MGMT: variants seen among roughly 807,000 people sequenced by gnomAD.
MGMT encodes O-6-methylguanine-DNA methyltransferase.
MGMT carries 14 observed loss-of-function variants against 15.9 expected under a neutral mutation model. The observed-to-expected ratio is 0.88, with a 90% CI of 0.58 to 1.37. The LOEUF (loss-of-function observed/expected upper bound fraction) is 1.37, where lower values mean the gene tolerates loss of function less well. Among genes scored for constraint, MGMT ranks in the 40% most tolerant of loss-of-function variants. The probability of loss-of-function intolerance (pLI) is 0.00; values close to 1 mark genes in which losing one functional copy is unlikely to be tolerated. For missense variants in MGMT, 282 were observed against 268.1 expected (o/e 1.05, Z -0.36); for synonymous variants, 130 against 118.2 (o/e 1.10, Z -0.65).
Position 129,525,448 on chromosome 10 carries a change from C to T in MGMT, c.-12-10793C>T, listed in dbSNP as rs562470323. Among the ~76,000 whole-genome samples the T allele has an allele frequency of 8.1e-4, 124 of 152,192 alleles. 1 individual carries two copies. The highest frequency in any genetic ancestry group is 1.3e-3 in the Non-Finnish European group (87 of 68,018). On this transcript the variant is annotated intron_variant, in intron 1 of 4. Coordinates refer to ENST00000651593, the MANE Select transcript of MGMT (RefSeq NM_002412.5). ...CACGTTGGTTTTATAATGTGCCACG[C>T]GTCAGGTGTTATTTCGATGACTATG...
intron 2 of MGMT, among the ~76,000 whole-genome samples, chr10:129,614,398 C>G (rs1564737534): frequency 6.6e-6 from 1 of 152,162 alleles, no homozygotes; most frequent in Non-Finnish European, 1.5e-5. Flanking sequence ...GCTTTCCGAG[C>G]CTGCGCTGGT....
chr10:129,619,884 A>G (rs1270931778), intron 2 of MGMT, among the ~76,000 whole-genome samples: 3 of 151,968 alleles, frequency 2.0e-5, no homozygotes, highest in Non-Finnish European at 4.4e-5. Flanking sequence ...TTACAGGTTT[A>G]TTCATTTTCT....
intron 2 of MGMT, among the ~76,000 whole-genome samples, chr10:129,650,260 C>T (rs1015054350): frequency 6.5e-4 from 99 of 152,182 alleles, no homozygotes; most frequent in Middle Eastern, 6.8e-3. Context: ...GTGCTTTGCA[C>T]GTTCGTAATT....
intron 2 of MGMT, among the ~76,000 whole-genome samples, chr10:129,654,058 C>T (rs760905093): frequency 2.0e-5 from 3 of 152,176 alleles, no homozygotes; most frequent in Non-Finnish European, 4.4e-5. Flanking sequence ...GCGAGGGCCA[C>T]ACCCTACTAC....
chr10:129,525,958 A>C (rs1002412905), intron 1 of MGMT, among the ~76,000 whole-genome samples: 7 of 152,194 alleles, frequency 4.6e-5, no homozygotes, highest in African/African-American at 1.4e-4. Context: ...TTGACATCCT[A>C]GGTGGCAGCT....
intron 2 of MGMT, among the ~76,000 whole-genome samples, chr10:129,574,421 A>G (rs913591017): frequency 1.3e-5 from 2 of 152,350 alleles, no homozygotes; most frequent in South Asian, 2.1e-4. Context: ...GCTTTCTGAG[A>G]AACTTCATAA....
At chr10:129,760,156 C>T (rs975598052) in intron 4 of MGMT, among the ~76,000 whole-genome samples, 1 of 152,248 alleles carries the variant, frequency 6.6e-6, no homozygotes, top group African/African-American at 2.4e-5. Context: ...TCACAGCACC[C>T]AGGCCTGGCA....
In MGMT at chr10:129,556,234, T is replaced by G. The variant is rs1486271136; in HGVS notation, c.125+19857T>G. ...TAGCACGTGGCCCCCAAAATTTAGG[T>G]GTTGAAGTCCTCATCCTCAGAACCT... On this transcript the variant is annotated intron_variant, in intron 2 of 4. Coordinates refer to ENST00000651593, the MANE Select transcript of MGMT (RefSeq NM_002412.5). This position sits in a 1 kb window ranked among gnomAD's most constrained non-coding sequence, Gnocchi z 4.3. Among the ~76,000 whole-genome samples, 1 of 151,976 alleles carries G rather than the reference T, an allele frequency of 6.6e-6. No homozygotes were observed. Among genetic ancestry groups the G allele is most frequent in the African/African-American group, 2.4e-5 (1 of 41,362 alleles).
At chr10:129,494,037 T>C (rs1053600223) in intron 1 of MGMT, among the ~76,000 whole-genome samples, 2 of 152,234 alleles carry the variant, frequency 1.3e-5, no homozygotes, top group Admixed American at 1.3e-4. Flanking sequence ...TATAACCTTC[T>C]TCCATTGTTA....
chr10:129,591,314 G>A (rs1050293399), intron 2 of MGMT, among the ~76,000 whole-genome samples: 8 of 152,222 alleles, frequency 5.3e-5, no homozygotes, highest in African/African-American at 1.7e-4. Context: ...ACAGCAGAGC[G>A]AGGAGTGAAA....
At chr10:129,729,833 A>G (rs1218817588) in intron 3 of MGMT, among the ~76,000 whole-genome samples, 2 of 152,350 alleles carry the variant, frequency 1.3e-5, no homozygotes, top group East Asian at 3.9e-4. Flanking sequence ...AAAATTATTG[A>G]ACAGAGCTCA....
chr10:129,632,031 C>T (rs1290831401), intron 2 of MGMT, among the ~76,000 whole-genome samples: 1 of 152,120 alleles, frequency 6.6e-6, no homozygotes. Flanking sequence ...GCCACCGCGC[C>T]CAGCTTTCTA....
At chr10:129,624,784 G>A (rs1029003640) in intron 2 of MGMT, among the ~76,000 whole-genome samples, 2 of 152,208 alleles carry the variant, frequency 1.3e-5, no homozygotes, top group Non-Finnish European at 2.9e-5. Flanking sequence ...GGAACATGGT[G>A]TGCAACCATA....
At chr10:129,703,894 C>A (rs184975548) in intron 2 of MGMT, among the ~76,000 whole-genome samples, 1 of 152,150 alleles carries the variant, frequency 6.6e-6, no homozygotes, top group East Asian at 2.0e-4. Flanking sequence ...TTTGTTTCCT[C>A]AGTTGAAGGT....
chr10:129,603,505 T>C (rs1281101209), intron 2 of MGMT, among the ~76,000 whole-genome samples: 1 of 152,260 alleles, frequency 6.6e-6, no homozygotes, highest in Non-Finnish European at 1.5e-5. Context: ...CATTGCTGTC[T>C]TTTTTATTTG....
chr10:129,658,301 C>A lies in MGMT; in HGVS notation c.126-49594C>A, dbSNP rs114734579. On this transcript the variant is annotated intron_variant, in intron 2 of 4. Transcript: ENST00000651593. Reference sequence around the variant, plus strand: ...TCTATTATTGACTAATGACGAACAGCGTCGCCTTGCCTTGCCACCTTAAAA... The same window carrying A: ...TCTATTATTGACTAATGACGAACAGAGTCGCCTTGCCTTGCCACCTTAAAA... Among the ~76,000 whole-genome samples, 1,052 of 152,238 alleles carry A rather than the reference C, an allele frequency of 6.9e-3. 9 individuals are homozygous for A. The highest frequency in any genetic ancestry group is 0.024 in the African/African-American group (993 of 41,528).
At position 129,687,799 on chromosome 10, in the gene MGMT, T is replaced by C. The variant is rs549761596; in HGVS notation, c.126-20096T>C. Among the ~76,000 whole-genome samples the C allele has an allele frequency of 2.1e-4, 32 of 152,072 alleles. 1 individual carries two copies. In the East Asian group the frequency reaches 5.9e-3, roughly 28 times the overall value. On this transcript the variant is annotated intron_variant, in intron 2 of 4. Coordinates refer to ENST00000651593, the MANE Select transcript of MGMT (RefSeq NM_002412.5). ...TGCCATGTTGGTGTGCTGCACCCATTAACTCATCACTTACATTAGGTATAT... is the reference window on the plus strand; with the variant it reads ...TGCCATGTTGGTGTGCTGCACCCATCAACTCATCACTTACATTAGGTATAT...
Position 129,506,107 on chromosome 10 carries a change from G to C in MGMT, c.-12-30134G>C, listed in dbSNP as rs1411205011. Among the ~76,000 whole-genome samples, 3 of 151,052 alleles carry C rather than the reference G, an allele frequency of 2.0e-5. No individual in the cohort carries two copies. The East Asian group carries it at 5.8e-4, about 29-fold the overall frequency. On this transcript the variant is annotated intron_variant, in intron 1 of 4. Transcript: ENST00000651593. The stretch of plus-strand genomic sequence containing the variant: ...GAACTTTGTCATGGTAGACATTTGT[G>C]GTTGTTACAACTGAGGGGGTGCTGC...
intron 2 of MGMT, among the ~76,000 whole-genome samples, chr10:129,626,265 C>A (rs1455952766): frequency 6.6e-6 from 1 of 152,310 alleles, no homozygotes; most frequent in South Asian, 2.1e-4. Context: ...GATCAGTCCC[C>A]ACCCACCCGC....
Sources: allele counts gnomAD v4.1 joint callset (sites outside exome capture counted in the v4.1 genomes callset), GRCh38; gene constraint gnomAD v4.1.1; non-coding constraint Gnocchi (gnomAD v3.1); transcripts MANE v1.5; gene names NCBI Gene and HGNC (gene_info 2026-07-23, HGNC 2026-07-21).